The following MALRD1 variants were observed in gnomAD, a reference collection of about 807,000 sequenced individuals.
MALRD1 encodes MAM and LDL receptor class A domain containing 1.
Under a neutral mutation model 242.1 loss-of-function variants are expected in MALRD1, and 247 were observed. The observed-to-expected ratio is 1.02, with a 90% CI of 0.92 to 1.13. MALRD1 has a LOEUF of 1.13. MALRD1 is among the 50% of genes most tolerant of loss of function. The pLI, the probability that MALRD1 is intolerant of heterozygous loss-of-function variation, is 0.00. For missense variants in MALRD1, 2,989 were observed against 2,533.1 expected (o/e 1.18, Z -3.86); for synonymous variants, 995 against 866.6 (o/e 1.15, Z -2.60).
intron 29 of MALRD1, 49 bp downstream of exon 29, chr10:19,450,539 C>T: frequency 1.4e-6 from 2 of 1,447,932 alleles, no homozygotes; most frequent in Non-Finnish European, 9.3e-7. Context: ...TTTAATCTAG[C>T]CATTTTATTT....
At chr10:19,702,448 A>G (rs780368730) in intron 38 of MALRD1, among the ~76,000 whole-genome samples, 8 of 152,182 alleles carry the variant, frequency 5.3e-5, no homozygotes, top group Non-Finnish European at 1.2e-4. Flanking sequence ...CTCAGCAACA[A>G]TGTTATAGCA....
intron 32 of MALRD1, among the ~76,000 whole-genome samples, chr10:19,563,702 ACTC>A (rs1437647341): frequency 6.6e-6 from 1 of 151,590 alleles, no homozygotes; most frequent in Non-Finnish European, 1.5e-5. Flanking sequence ...TTCAGGAAAA[ACTC>A]CTAATCATTG....
At chr10:19,227,378 A>G (rs935906633) in intron 18 of MALRD1, among the ~76,000 whole-genome samples, 6 of 152,096 alleles carry the variant, frequency 3.9e-5, no homozygotes, top group African/African-American at 1.4e-4. Context: ...CAATAAGGAA[A>G]TCAATGTCTT....
chr10:19,065,537 T>C (rs1195870858), intron 1 of MALRD1, among the ~76,000 whole-genome samples: 1 of 152,096 alleles, frequency 6.6e-6, no homozygotes, highest in Non-Finnish European at 1.5e-5. Flanking sequence ...CCTATTTTGG[T>C]CAGCAGAGTT....
intron 38 of MALRD1, among the ~76,000 whole-genome samples, chr10:19,695,967 C>T (rs1042499326): frequency 4.6e-5 from 7 of 152,132 alleles, no homozygotes; most frequent in Admixed American, 6.6e-5. Context: ...AATTACCTTC[C>T]GCCAAGTCAC....
At chr10:19,245,169 C>T (rs757897540) in intron 18 of MALRD1, among the ~76,000 whole-genome samples, 8 of 152,164 alleles carry the variant, frequency 5.3e-5, no homozygotes, top group Non-Finnish European at 7.4e-5. Flanking sequence ...TCCTAGATTC[C>T]GCATGAGCTT....
chr10:19,464,031 G>C (rs4748584), intron 29 of MALRD1, among the ~76,000 whole-genome samples: 1 of 152,062 alleles, frequency 6.6e-6, no homozygotes, highest in Non-Finnish European at 1.5e-5. Context: ...ACAATTGTCT[G>C]TTTATGTCCT....
intron 32 of MALRD1, among the ~76,000 whole-genome samples, chr10:19,554,209 C>A (rs778063398): frequency 1.3e-5 from 2 of 152,008 alleles, no homozygotes; most frequent in Non-Finnish European, 2.9e-5. Context: ...TGTTTTGGCT[C>A]ACAGTTCTGT....
At chr10:19,447,439 T>C (rs988883365) in intron 28 of MALRD1, among the ~76,000 whole-genome samples, 1 of 152,204 alleles carries the variant, frequency 6.6e-6, no homozygotes, top group African/African-American at 2.4e-5. Context: ...TGCAAAATAA[T>C]TTACCCATTT....
At chr10:19,495,028 G>T (rs1245228228) in intron 30 of MALRD1, among the ~76,000 whole-genome samples, 6 of 151,016 alleles carry the variant, frequency 4.0e-5, no homozygotes, top group Non-Finnish European at 8.8e-5. Flanking sequence ...CCAGGTTGGA[G>T]TGAAGTGGCA....
chr10:19,727,436 C>T (rs1026025838), intron 38 of MALRD1, among the ~76,000 whole-genome samples: 1 of 152,112 alleles, frequency 6.6e-6, no homozygotes, highest in Non-Finnish European at 1.5e-5. Flanking sequence ...TTGGAAACTG[C>T]CATCAGAATT....
chr10:19,495,500 T>C (rs1359106032), intron 30 of MALRD1, among the ~76,000 whole-genome samples: 3 of 145,904 alleles, frequency 2.1e-5, no homozygotes, highest in Non-Finnish European at 4.5e-5. Flanking sequence ...ACAGGCAAAC[T>C]AAACTTCATA....
intron 26 of MALRD1, among the ~76,000 whole-genome samples, chr10:19,379,201 A>C (rs943528229): frequency 6.6e-6 from 1 of 151,924 alleles, no homozygotes; most frequent in African/African-American, 2.4e-5. Context: ...TTATTTATTC[A>C]TCAGTGCAGA....
At position 19,434,420 on chromosome 10, in the gene MALRD1, A is replaced by G. The variant is rs140259873; in HGVS notation, c.4846-15887A>G. On this transcript the variant is annotated intron_variant, in intron 28 of 39. Coordinates refer to ENST00000454679, the MANE Select transcript of MALRD1 (RefSeq NM_001142308.3). The stretch of plus-strand genomic sequence containing the variant: ...GTAGATGAGATTTTATGTAAATTTA[A>G]AATAGTCTACAATGATTTCATTTTA... 2.2e-3 allele frequency among the ~76,000 whole-genome samples: 338 copies of G among 152,198 alleles called. 4 individuals are homozygous for G. The East Asian group carries it at 0.043, about 19-fold the overall frequency.
At chr10:19,208,351 G>A (rs2358350) in intron 17 of MALRD1, among the ~76,000 whole-genome samples, 132,349 of 151,914 alleles carry the variant, frequency 0.87, 57,808 homozygotes, top group African/African-American at 0.94. Context: ...TTTAGAATAT[G>A]TGGGGAAGAT....
In MALRD1 at chr10:19,124,529, C is replaced by G; in HGVS notation, c.802C>G (p.Gln268Glu). The change falls in exon 7 of 40, where the codon CAG (glutamine) becomes GAG (glutamate). Residue 268 changes from glutamine (Q) to glutamate (E), a missense_variant. By Grantham distance (29) the Gln-to-Glu change is conservative (BLOSUM62 2). Coordinates refer to ENST00000454679, the MANE Select transcript of MALRD1 (RefSeq NM_001142308.3). ...DATDEELRLC[Q>E]ACGFEFDMCE... is the part of the protein sequence containing the mutation. ...GATCTTTTTCTCCCGTTTAGTGTGT[C>G]AGGCCTGTGGGTTTGAATTTGACAT... The G allele has an allele frequency of 7.3e-6, 9 of 1,233,800 alleles. No homozygotes were observed. The highest frequency in any genetic ancestry group is 7.1e-6 in the Non-Finnish European group (7 of 988,078). 76.4% of individuals were successfully genotyped at this position (1,233,800 alleles called of 1,614,324 possible). A position where few individuals can be genotyped will look rare whatever the true frequency, so the allele number is the denominator to read the frequency against.
At position 19,450,452 on chromosome 10, in the gene MALRD1, C is replaced by T; in HGVS notation, c.4991C>T (p.Ala1664Val). Residue 1664 changes from alanine (A) to valine (V), a missense_variant, in exon 29 of 40, where the codon GCT becomes GTT. Ala to Val is a moderately conservative substitution (Grantham distance 64, BLOSUM62 0). Transcript: ENST00000454679. ...AGAACAAGGGACCTGGGAGGAGGAG[C>T]TGCAATTGATGATATTGAATTTAAA... ...GIRTRDLGGG[A>V]AIDDIEFKNC... The T allele has an allele frequency of 6.5e-7, 1 of 1,550,164 alleles. No individual in the cohort carries two copies. The highest frequency in any genetic ancestry group is 8.7e-7 in the Non-Finnish European group (1 of 1,146,802).
intron 26 of MALRD1, among the ~76,000 whole-genome samples, chr10:19,356,083 T>C (rs751332628): frequency 6.6e-6 from 1 of 151,490 alleles, no homozygotes; most frequent in African/African-American, 2.4e-5. Flanking sequence ...CTTCTAGAAA[T>C]GGCTCCCAGA....
At chr10:19,215,936 C>T (rs1413770) in intron 18 of MALRD1, among the ~76,000 whole-genome samples, 49,696 of 150,410 alleles carry the variant, frequency 0.33, 8,830 homozygotes, top group South Asian at 0.65. Flanking sequence ...TTTCCATGAA[C>T]TTTTTAAGGC....
Sources: allele counts gnomAD v4.1 joint callset (sites outside exome capture counted in the v4.1 genomes callset), GRCh38; gene constraint gnomAD v4.1.1; transcripts MANE v1.5; gene names NCBI Gene and HGNC (gene_info 2026-07-23, HGNC 2026-07-21).